Variants in SHANK2 observed in about 807,000 individuals in gnomAD.
SHANK2 encodes the protein SH3 and multiple ankyrin repeat domains protein 2.
In SHANK2, 43 loss-of-function variants were observed where a neutral mutation model predicts 133.7. The observed-to-expected ratio is 0.32, with a 90% confidence interval of 0.25 to 0.41. The LOEUF (loss-of-function observed/expected upper bound fraction) is 0.41, where lower values mean the gene tolerates loss of function less well. Among genes scored for constraint, SHANK2 ranks in the 10% least tolerant of loss-of-function variants. The pLI is 1.00. For synonymous variants in SHANK2, 1,017 were observed against 952.8 expected, an observed-to-expected ratio of 1.07 and a Z score of -1.24; for missense variants, 1,994 against 2,235.8, an observed-to-expected ratio of 0.89 and a Z score of 2.18.
chr11:70,944,466 C>A (rs1413315017), intron 10 of SHANK2, among the ~76,000 whole-genome samples: 1 of 152,226 alleles, frequency 6.6e-6, no homozygotes, highest in African/African-American at 2.4e-5. Context: ...GATTCGAGAA[C>A]ACGTGCATCT....
At chr11:70,517,869 ATGGTGTATCAATAT>A (rs1387254225) in intron 17 of SHANK2, among the ~76,000 whole-genome samples, 1 of 152,210 alleles carries the variant, frequency 6.6e-6, no homozygotes, top group East Asian at 1.9e-4. Flanking sequence ...TTAGTTAATA[ATGGTGTATCAATAT>A]TGGCTTCTCA....
intron 8 of SHANK2, among the ~76,000 whole-genome samples, chr11:71,079,157 A>C (rs1402503488): frequency 6.6e-6 from 1 of 152,264 alleles, no homozygotes; most frequent in Non-Finnish European, 1.5e-5. Flanking sequence ...CATCCTTTCT[A>C]AGGCATTCCT....
intron 15 of SHANK2, among the ~76,000 whole-genome samples, chr11:70,682,931 A>G (rs1317711500): frequency 2.0e-5 from 3 of 151,986 alleles, no homozygotes; most frequent in Non-Finnish European, 4.4e-5. Context: ...AGGTGAGGAA[A>G]CCGAGGCCAG....
chr11:70,689,426 T>G (rs1555020444), intron 15 of SHANK2, among the ~76,000 whole-genome samples: 1 of 152,142 alleles, frequency 6.6e-6, no homozygotes, highest in African/African-American at 2.4e-5. Context: ...GCTGCTTCAG[T>G]CTGGAGGGGT....
chr11:70,900,774 C>T (rs567836116), intron 10 of SHANK2, among the ~76,000 whole-genome samples: 1 of 152,278 alleles, frequency 6.6e-6, no homozygotes, highest in East Asian at 1.9e-4. Flanking sequence ...TCTGGCACTG[C>T]CCGCCCTATG....
At chr11:70,550,512 C>T (rs2059751044) in intron 17 of SHANK2, among the ~76,000 whole-genome samples, 2 of 152,204 alleles carry the variant, frequency 1.3e-5, no homozygotes, top group Admixed American at 1.3e-4. Flanking sequence ...AAGTCTAGCC[C>T]ACTGCTACTG....
chr11:70,617,577 T>C (rs555230333), intron 17 of SHANK2, among the ~76,000 whole-genome samples: 2 of 151,930 alleles, frequency 1.3e-5, no homozygotes, highest in Admixed American at 6.6e-5. Context: ...ACGGGAAGCA[T>C]AGGAACCCTC....
chr11:70,487,794 G>T lies in SHANK2; in HGVS notation c.2573-74C>A. ...CTAAGTTCCTAGGAACGTGCGATAC[G>T]CTACATCTCCACAAACTCACAAATT... On this transcript the variant is annotated intron_variant, in intron 24 of 25. Coordinates refer to ENST00000601538, the MANE Select transcript of SHANK2 (RefSeq NM_012309.5). This position sits in a 1 kb window ranked among gnomAD's most constrained non-coding sequence, Gnocchi z 5.8. The T allele has an allele frequency of 1.3e-6, 2 of 1,549,150 alleles. No individual in the cohort carries two copies. The highest frequency in any genetic ancestry group is 8.7e-7 in the Non-Finnish European group (1 of 1,146,856).
chr11:70,951,260 CCG>C (rs1950834457), intron 10 of SHANK2, among the ~76,000 whole-genome samples: 1 of 144,884 alleles, frequency 6.9e-6, no homozygotes. Flanking sequence ...GGCTGCTGCA[CCG>C]TGATGTCATA....
At chr11:70,825,969 T>C (rs550963185) in intron 11 of SHANK2, among the ~76,000 whole-genome samples, 1 of 152,358 alleles carries the variant, frequency 6.6e-6, no homozygotes, top group Non-Finnish European at 1.5e-5. Context: ...AAACAGAGTG[T>C]GCACTTTTAA....
intron 6 of SHANK2, among the ~76,000 whole-genome samples, chr11:71,106,643 C>T (rs548045125): frequency 2.0e-5 from 3 of 152,264 alleles, no homozygotes; most frequent in South Asian, 2.1e-4. Flanking sequence ...GCTTTGGTAC[C>T]GGCCTAATCC....
At chr11:71,061,004 T>C (rs1305430277) in intron 9 of SHANK2, among the ~76,000 whole-genome samples, 1 of 152,264 alleles carries the variant, frequency 6.6e-6, no homozygotes, top group Non-Finnish European at 1.5e-5. Flanking sequence ...GACATAACTA[T>C]GTTCAGCAAA....
intron 11 of SHANK2, among the ~76,000 whole-genome samples, chr11:70,857,008 T>C (rs1373999320): frequency 6.6e-6 from 1 of 152,216 alleles, no homozygotes; most frequent in Admixed American, 6.5e-5. Context: ...TGGACTTACA[T>C]CTCTTCCTGC....
intron 17 of SHANK2, among the ~76,000 whole-genome samples, chr11:70,606,021 C>T (rs1164872225): frequency 2.0e-5 from 3 of 152,218 alleles, no homozygotes; most frequent in East Asian, 1.9e-4. Context: ...GATAACCATC[C>T]GAGGGTCGGG....
intron 17 of SHANK2, among the ~76,000 whole-genome samples, chr11:70,566,794 C>T (rs549397897): frequency 5.3e-5 from 8 of 152,298 alleles, no homozygotes; most frequent in African/African-American, 1.9e-4. Flanking sequence ...TCCATCATAA[C>T]CACTTAGCAA....
At chr11:71,206,838 G>A (rs565426307) in intron 2 of SHANK2, among the ~76,000 whole-genome samples, 1 of 152,226 alleles carries the variant, frequency 6.6e-6, no homozygotes, top group South Asian at 2.1e-4. Context: ...CTACTGAGGA[G>A]GTTGAGGTGG....
chr11:71,079,618 G>A (rs1237204644), intron 8 of SHANK2, among the ~76,000 whole-genome samples: 5 of 151,182 alleles, frequency 3.3e-5, no homozygotes, highest in Admixed American at 1.3e-4. Flanking sequence ...AAATTAGCCG[G>A]GTGTGGTGGC....
intron 17 of SHANK2, among the ~76,000 whole-genome samples, chr11:70,582,883 G>A (rs1554985812): frequency 6.6e-6 from 1 of 152,196 alleles, no homozygotes; most frequent in Non-Finnish European, 1.5e-5. Context: ...TGGGGTGTGC[G>A]TGTCTGATGA....
At chr11:71,070,242 GGGA>G (rs1421428786) in intron 9 of SHANK2, among the ~76,000 whole-genome samples, 1 of 152,176 alleles carries the variant, frequency 6.6e-6, no homozygotes, top group East Asian at 1.9e-4. Context: ...GAGGGCATGA[GGGA>G]GGAGATTAAA....
Sources: allele counts gnomAD v4.1 joint callset (sites outside exome capture counted in the v4.1 genomes callset), GRCh38; gene constraint gnomAD v4.1.1; non-coding constraint Gnocchi (gnomAD v3.1); transcripts MANE v1.5; gene names NCBI Gene and HGNC (gene_info 2026-07-23, HGNC 2026-07-21).